The following LRRC69 variants were observed in gnomAD, a reference collection of about 807,000 sequenced individuals.
LRRC69 encodes the protein leucine rich repeat containing 69, also known as leucine-rich repeat-containing protein 69.
Under a neutral mutation model 37.8 loss-of-function variants are expected in LRRC69, and 42 were observed. That is an observed-to-expected ratio of 1.11 (90% CI 0.87 to 1.44). The LOEUF (loss-of-function observed/expected upper bound fraction) is 1.44, where lower values mean the gene tolerates loss of function less well. Among genes scored for constraint, LRRC69 ranks in the 40% most tolerant of loss-of-function variants. The pLI, the probability that LRRC69 is intolerant of heterozygous loss-of-function variation, is 0.00. For missense variants in LRRC69, 357 were observed against 401.9 expected, an observed-to-expected ratio of 0.89 and a Z score of 0.96; for synonymous variants, 141 against 143.1, an observed-to-expected ratio of 0.99 and a Z score of 0.11.
At chr8:91,127,950 T>G (rs1813749057) in intron 3 of LRRC69, among the ~76,000 whole-genome samples, 1 of 152,066 alleles carries the variant, frequency 6.6e-6, no homozygotes. Flanking sequence ...TATTATTTTT[T>G]CCAAATATAT....
At chr8:91,134,319 A>T (rs901535684) in intron 4 of LRRC69, among the ~76,000 whole-genome samples, 1 of 151,450 alleles carries the variant, frequency 6.6e-6, no homozygotes, top group Admixed American at 6.6e-5. Context: ...CAAACGGTGT[A>T]ATTCTCAGTT....
chr8:91,115,694 T>G (rs1355026989), intron 1 of LRRC69, among the ~76,000 whole-genome samples: 1 of 151,868 alleles, frequency 6.6e-6, no homozygotes, highest in Non-Finnish European at 1.5e-5. Context: ...ATATCTCCCT[T>G]TTTGCAATTT....
chr8:91,175,774 T>G (rs1025981871), intron 5 of LRRC69, among the ~76,000 whole-genome samples: 1 of 151,566 alleles, frequency 6.6e-6, no homozygotes, highest in African/African-American at 2.4e-5. Context: ...TTAACTATCT[T>G]GAAAAGGACT....
At chr8:91,119,169 T>C (rs1357885744) in intron 1 of LRRC69, among the ~76,000 whole-genome samples, 2 of 152,078 alleles carry the variant, frequency 1.3e-5, no homozygotes, top group African/African-American at 4.8e-5. Context: ...CATAATTGAA[T>C]TAATGAAACA....
chr8:91,171,034 T>A (rs571330255), intron 5 of LRRC69, among the ~76,000 whole-genome samples: 23 of 150,374 alleles, frequency 1.5e-4, no homozygotes, highest in South Asian at 8.5e-4. Context: ...GAATCTACAA[T>A]GAACTCAAAC....
intron 1 of LRRC69, among the ~76,000 whole-genome samples, chr8:91,107,204 G>A (rs1333041812): frequency 2.6e-5 from 4 of 151,426 alleles, no homozygotes; most frequent in East Asian, 1.9e-4. Context: ...GCGTGATCTC[G>A]GCTCACTGCA....
At chr8:91,142,509 G>A (rs1808547443) in intron 5 of LRRC69, among the ~76,000 whole-genome samples, 1 of 151,984 alleles carries the variant, frequency 6.6e-6, no homozygotes, top group Non-Finnish European at 1.5e-5. Flanking sequence ...GGATATTGAG[G>A]CTCCAGAGTA....
chr8:91,191,063 A>C (rs1809488321), intron 6 of LRRC69, among the ~76,000 whole-genome samples: 2 of 138,966 alleles, frequency 1.4e-5, no homozygotes, highest in Admixed American at 1.4e-4. Flanking sequence ...CCAAGTCAAA[A>C]AGCAACAACA....
intron 5 of LRRC69, among the ~76,000 whole-genome samples, chr8:91,155,978 G>T (rs1457065365): frequency 1.4e-5 from 2 of 147,702 alleles, no homozygotes; most frequent in Admixed American, 1.4e-4. Context: ...TTAATCTTTT[G>T]CTGGATACTT....
intron 4 of LRRC69, among the ~76,000 whole-genome samples, chr8:91,135,442 C>T (rs2130518995): frequency 6.6e-6 from 1 of 152,020 alleles, no homozygotes; most frequent in Middle Eastern, 3.4e-3. Flanking sequence ...CTCACAGTGG[C>T]CATGTTATGT....
chr8:91,121,220 TTG>T lies in LRRC69; in HGVS notation c.184-3269_184-3268del, dbSNP rs1224676765. On this transcript the variant is annotated intron_variant, in intron 1 of 7. Coordinates refer to ENST00000448384, the Ensembl canonical transcript of LRRC69. ...CTGCAGTATTGCCTCTGTGTTCTCT[TTG>T]TGTTTCACTTCTTGCTACCCCTGCA... Among the ~76,000 whole-genome samples the T allele has an allele frequency of 2.0e-5, 3 of 152,190 alleles. No homozygotes were observed. In the East Asian group the frequency reaches 5.8e-4, roughly 29 times the overall value.
At chr8:91,111,900 A>G (rs1813415382) in intron 1 of LRRC69, among the ~76,000 whole-genome samples, 1 of 151,888 alleles carries the variant, frequency 6.6e-6, no homozygotes, top group Non-Finnish European at 1.5e-5. Context: ...AAAAAATAAA[A>G]AATATATATA....
chr8:91,110,116 TG>T (rs1321625312), intron 1 of LRRC69, among the ~76,000 whole-genome samples: 6 of 152,088 alleles, frequency 3.9e-5, no homozygotes, highest in Non-Finnish European at 1.5e-5. Flanking sequence ...TTACAGAACC[TG>T]ACATGTATAT....
At chr8:91,114,617 T>C (rs940956133) in intron 1 of LRRC69, among the ~76,000 whole-genome samples, 1 of 152,092 alleles carries the variant, frequency 6.6e-6, no homozygotes, top group Non-Finnish European at 1.5e-5. Context: ...CTTACCATTA[T>C]GCTACAATTG....
chr8:91,185,751 A>G (rs1809397609), intron 5 of LRRC69, among the ~76,000 whole-genome samples: 1 of 151,650 alleles, frequency 6.6e-6, no homozygotes, highest in African/African-American at 2.4e-5. Context: ...CCCACACTTG[A>G]ATCTTTTCCC....
At chr8:91,120,487 A>G (rs999948557) in intron 1 of LRRC69, among the ~76,000 whole-genome samples, 1 of 152,096 alleles carries the variant, frequency 6.6e-6, no homozygotes, top group African/African-American at 2.4e-5. Flanking sequence ...GTCTCAGCCC[A>G]ATCCCTTCAG....
chr8:91,162,407 T>C lies in LRRC69; in HGVS notation c.651+26668T>C, dbSNP rs1361289582. On this transcript the variant is annotated intron_variant, in intron 5 of 7. Coordinates refer to ENST00000448384, the Ensembl canonical transcript of LRRC69. ...CTATCTCTCCCTTTAGTTCTACTGA[T>C]ACTTGCTTTATATATCTGGCTGTTC... Among the ~76,000 whole-genome samples the C allele has an allele frequency of 6.6e-5, 10 of 151,424 alleles. No individual in the cohort carries two copies. In the Admixed American group the frequency reaches 6.6e-4, roughly 10 times the overall value.
At chr8:91,151,829 T>C (rs536862978) in intron 5 of LRRC69, among the ~76,000 whole-genome samples, 1 of 151,852 alleles carries the variant, frequency 6.6e-6, no homozygotes, top group East Asian at 1.9e-4. Context: ...TTTTTAATAA[T>C]TGCCATTCTG....
chr8:91,154,631 AT>A (rs879390618), intron 5 of LRRC69, among the ~76,000 whole-genome samples: 1 of 151,972 alleles, frequency 6.6e-6, no homozygotes. Context: ...AAACCCCATG[AT>A]TATCTCAATA....
Sources: gnomAD v4.1 joint callset for allele counts (sites outside exome capture counted in the v4.1 genomes callset) on GRCh38, gnomAD v4.1.1 for gene constraint, MANE v1.5 for transcripts, NCBI Gene and HGNC (gene_info 2026-07-23, HGNC 2026-07-21) for gene names.